CWF19L2: variants seen among roughly 807,000 people sequenced by gnomAD.
The protein encoded by CWF19L2 is CWF19 like cell cycle control factor 2.
A neutral mutation model predicts 111.7 loss-of-function variants in CWF19L2; 98 were observed. That is an observed-to-expected ratio of 0.88 (90% CI 0.75 to 1.04). The LOEUF is 1.04. Ranked by LOEUF, CWF19L2 falls within the 50% of genes least tolerant of loss-of-function variation. The pLI, the probability that CWF19L2 is intolerant of heterozygous loss-of-function variation, is 0.00. For synonymous variants in CWF19L2, 351 were observed against 342.9 expected (o/e 1.02, Z -0.26); for missense variants, 1,101 against 1,051.4 (o/e 1.05, Z -0.65).
At chr11:107,416,376 CAG>C in intron 9 of CWF19L2, 78 bp from the exon 10 acceptor site, 1 of 579,768 alleles carries the variant, frequency 1.7e-6, no homozygotes, top group East Asian at 3.7e-5. Context: ...ATTTACACAA[CAG>C]AAGGAAAAAC....
At chr11:107,424,472 G>A (rs187157167) in intron 8 of CWF19L2, among the ~76,000 whole-genome samples, 14 of 148,652 alleles carry the variant, frequency 9.4e-5, no homozygotes, top group Middle Eastern at 6.9e-3. Context: ...AAAAAAGCCC[G>A]GATTAAGTAG....
At chr11:107,387,586 T>A (rs1860789070) in intron 12 of CWF19L2, among the ~76,000 whole-genome samples, 2 of 152,146 alleles carry the variant, frequency 1.3e-5, no homozygotes, top group Admixed American at 1.3e-4. Context: ...AGGACCAGTT[T>A]TGTGGAAGAC....
chr11:107,345,361 A>C (rs1199707508), intron 14 of CWF19L2: 2 of 358,488 alleles, frequency 5.6e-6, no homozygotes, highest in Non-Finnish European at 1.1e-5. Flanking sequence ...AAAGATGTAC[A>C]TAAAAAGCAA....
At chr11:107,365,300 G>A (rs1207265403) in intron 12 of CWF19L2, among the ~76,000 whole-genome samples, 1 of 130,786 alleles carries the variant, frequency 7.6e-6, no homozygotes, top group African/African-American at 3.1e-5. Context: ...TAGAAAAAGA[G>A]GGAATCCTCC....
chr11:107,435,348 C>A (rs955821929), intron 6 of CWF19L2, among the ~76,000 whole-genome samples: 1 of 152,054 alleles, frequency 6.6e-6, no homozygotes, highest in Non-Finnish European at 1.5e-5. Context: ...ATCTACACAG[C>A]GGTAAGTAAA....
At chr11:107,334,575 G>C (rs1591147075) in intron 16 of CWF19L2, among the ~76,000 whole-genome samples, 1 of 152,304 alleles carries the variant, frequency 6.6e-6, no homozygotes, top group Non-Finnish European at 1.5e-5. Context: ...TTGTCCCACA[G>C]GGGCTGAGAA....
chr11:107,457,608 G>A (rs912122856), intron 1 of CWF19L2, 104 bp downstream of exon 1: 2 of 779,894 alleles, frequency 2.6e-6, no homozygotes, highest in Admixed American at 2.5e-5. Flanking sequence ...ATTAAGGTGA[G>A]ATTCAGTACT....
intron 3 of CWF19L2, among the ~76,000 whole-genome samples, chr11:107,449,886 G>C (rs517734): frequency 0.17 from 26,287 of 151,940 alleles, 2,452 homozygotes; most frequent in Middle Eastern, 0.27. Flanking sequence ...ATCCAAACCA[G>C]TACTATTCAA....
In CWF19L2 at chr11:107,416,647, A is replaced by G. The variant is rs527716927; in HGVS notation, c.1528-349T>C. 8.5e-5 allele frequency among the ~76,000 whole-genome samples: 13 copies of G among 152,360 alleles called. No homozygotes were observed. In the East Asian group the frequency reaches 2.5e-3, roughly 29 times the overall value. On this transcript the variant is annotated intron_variant, in intron 9 of 17. Coordinates refer to ENST00000282251, the MANE Select transcript of CWF19L2 (RefSeq NM_152434.3). ...TTCGGTTATTGGTAACAAAAAAGCT[A>G]TCACAAGATTTAAACTGTTACCTTC...
At chr11:107,330,449 T>C (rs193156366) in intron 16 of CWF19L2, among the ~76,000 whole-genome samples, 4 of 152,318 alleles carry the variant, frequency 2.6e-5, no homozygotes, top group Admixed American at 2.6e-4. Flanking sequence ...TTTACAGTTA[T>C]ATATTTATCA....
chr11:107,393,295 A>G (rs1860875392), intron 10 of CWF19L2, among the ~76,000 whole-genome samples: 2 of 152,186 alleles, frequency 1.3e-5, no homozygotes, highest in African/African-American at 4.8e-5. Context: ...AACTTGCTAA[A>G]TTAGCAAATA....
chr11:107,373,093 A>T (rs557370160), intron 12 of CWF19L2, among the ~76,000 whole-genome samples: 5 of 74,222 alleles, frequency 6.7e-5, no homozygotes, highest in African/African-American at 4.2e-4. Flanking sequence ...CTACGAGATT[A>T]TATCCCGCAC....
At position 107,457,608 on chromosome 11, in the gene CWF19L2, G is replaced by C. The variant is rs912122856; in HGVS notation, c.105+104C>G. Reference sequence around the variant, plus strand: ...GGAGAACTCACCCAAATTAAGGTGAGATTCAGTACTGACGAGGTAAGGGAA... The same window carrying C: ...GGAGAACTCACCCAAATTAAGGTGACATTCAGTACTGACGAGGTAAGGGAA... On this transcript the variant is annotated intron_variant, in intron 1 of 17. Coordinates refer to ENST00000282251, the MANE Select transcript of CWF19L2 (RefSeq NM_152434.3). 2.4e-5 allele frequency: 19 copies of C among 779,894 alleles called. No homozygotes were observed. The African/African-American group carries it at 2.6e-4, about 11-fold the overall frequency. 48.3% of individuals were successfully genotyped at this position (779,894 alleles called of 1,614,324 possible). A position where few individuals can be genotyped will look rare whatever the true frequency, so the allele number is the denominator to read the frequency against.
Position 107,402,871 on chromosome 11 carries a change from GTGTATATA to G in CWF19L2, c.1618-9984_1618-9977del, listed in dbSNP as rs1343256448. Among the ~76,000 whole-genome samples the G allele has an allele frequency of 4.0e-3, 231 of 57,102 alleles. 16 individuals carry two copies. The highest frequency in any genetic ancestry group is 0.018 in the African/African-American group (178 of 10,066). 37.5% of individuals were successfully genotyped at this position (57,102 alleles called of 152,430 possible). On this transcript the variant is annotated intron_variant, in intron 10 of 17. Coordinates refer to ENST00000282251, the MANE Select transcript of CWF19L2 (RefSeq NM_152434.3). ...AACGAGTGGATAAACAAACTGTGGT[GTGTATATA>G]TATATATATATATATATATATATAA...
intron 16 of CWF19L2, 64 bp downstream of exon 16, chr11:107,334,817 A>G (rs1591147246): frequency 9.7e-7 from 1 of 1,026,982 alleles, no homozygotes; most frequent in Non-Finnish European, 1.5e-6. Context: ...CAACTAAGAC[A>G]TGGAAATTAA....
intron 12 of CWF19L2, among the ~76,000 whole-genome samples, chr11:107,382,089 A>T (rs779289550): frequency 1.3e-5 from 2 of 152,184 alleles, no homozygotes; most frequent in Non-Finnish European, 2.9e-5. Context: ...TCTCTTGAAG[A>T]TGTGCCTGAG....
At chr11:107,451,104 ATG>A (rs1369015738) in intron 3 of CWF19L2, among the ~76,000 whole-genome samples, 1 of 152,156 alleles carries the variant, frequency 6.6e-6, no homozygotes, top group African/African-American at 2.4e-5. Context: ...AGAAAATAAA[ATG>A]TCTCAAAAAC....
intron 12 of CWF19L2, among the ~76,000 whole-genome samples, chr11:107,379,826 G>A (rs975317836): frequency 5.9e-5 from 9 of 151,904 alleles, no homozygotes; most frequent in African/African-American, 9.7e-5. Flanking sequence ...TTGGGAGGCC[G>A]AGGCAGGTGG....
At chr11:107,442,897 GAAGGAAGAAAGC>G (rs1861651551) in intron 4 of CWF19L2, 30 bp downstream of exon 4, 2 of 1,249,534 alleles carry the variant, frequency 1.6e-6, no homozygotes, top group East Asian at 2.5e-5. Flanking sequence ...AGGAAGGAAG[GAAGGAAGAAAGC>G]AAGGAAGGAA....
Sources: allele counts gnomAD v4.1 joint callset (sites outside exome capture counted in the v4.1 genomes callset), GRCh38; gene constraint gnomAD v4.1.1; transcripts MANE v1.5; gene names NCBI Gene and HGNC (gene_info 2026-07-23, HGNC 2026-07-21).